Variants in HHLA1 observed in about 807,000 individuals in gnomAD.
The protein encoded by HHLA1 is HERV-H LTR-associating protein 1.
In HHLA1, 72 loss-of-function variants were observed where a neutral mutation model predicts 69.9. That is an observed-to-expected ratio of 1.03 (90% CI 0.85 to 1.25). HHLA1 has a LOEUF of 1.25. Among genes scored for constraint, HHLA1 ranks in the 50% most tolerant of loss-of-function variants. HHLA1 has a pLI of 0.00. For synonymous variants in HHLA1, 252 were observed against 233.2 expected (o/e 1.08, Z -0.73); for missense variants, 685 against 642.2 (o/e 1.07, Z -0.72).
chr8:132,071,748 A>T (rs1342158512), intron 14 of HHLA1, among the ~76,000 whole-genome samples: 1 of 152,214 alleles, frequency 6.6e-6, no homozygotes, highest in East Asian at 1.9e-4. Context: ...AATATTAAAC[A>T]GAGATCTAAG....
At chr8:132,110,627 A>G (rs566344548) in intron 1 of HHLA1, among the ~76,000 whole-genome samples, 1 of 152,316 alleles carries the variant, frequency 6.6e-6, no homozygotes, top group Admixed American at 6.5e-5. Flanking sequence ...GGCCCAAGGG[A>G]ATGCATCTGG....
At chr8:132,067,336 C>G (rs1823458908) in intron 15 of HHLA1, among the ~76,000 whole-genome samples, 1 of 152,128 alleles carries the variant, frequency 6.6e-6, no homozygotes, top group African/African-American at 2.4e-5. Flanking sequence ...GCAGTGTGTT[C>G]TGGGAAAGGT....
At chr8:132,084,162 G>T (rs552925496) in intron 10 of HHLA1, among the ~76,000 whole-genome samples, 3 of 152,158 alleles carry the variant, frequency 2.0e-5, no homozygotes, top group Non-Finnish European at 4.4e-5. Context: ...CTGGGCAGGT[G>T]GGGGAGGGCT....
At chr8:132,101,352 T>A in intron 3 of HHLA1, 1 of 1,500,458 alleles carries the variant, frequency 6.7e-7, no homozygotes. Context: ...TTAGAAATCA[T>A]CTTGTCCAAC....
At chr8:132,080,221 A>T in intron 10 of HHLA1, 1 of 575,002 alleles carries the variant, frequency 1.7e-6, no homozygotes. Context: ...CATATGCCTT[A>T]TGGATACAAC....
chr8:132,071,282 C>A, intron 15 of HHLA1, 58 bp downstream of exon 15: 1 of 1,478,144 alleles, frequency 6.8e-7, no homozygotes, highest in Non-Finnish European at 9.1e-7. Flanking sequence ...AGAAAAGCCA[C>A]ACGGAATAAG....
At position 132,077,860 on chromosome 8, in the gene HHLA1, G is replaced by C. The variant is rs776699143; in HGVS notation, c.1037C>G (p.Ser346Cys). Reference protein sequence around the residue: ...QTISEKKPGGSLWETRSSPPT... With the variant: ...QTISEKKPGGCLWETRSSPPT... ...TGGGGAAGAACGAGTTTCCCAGAGAGACCCTCCAGGTTTTTTCTCACTGAT... is the reference window on the plus strand; with the variant it reads ...TGGGGAAGAACGAGTTTCCCAGAGACACCCTCCAGGTTTTTTCTCACTGAT... The change falls in exon 12 of 17, where the codon TCT becomes TGT. Residue 346 changes from serine (S) to cysteine (C), a missense_variant. Transcript: ENST00000414222. 16 of 1,551,390 alleles carry C rather than the reference G, an allele frequency of 1.0e-5. No individual in the cohort carries two copies. The East Asian group carries it at 3.4e-4, about 33-fold the overall frequency.
chr8:132,076,889 G>T (rs1167075008), intron 12 of HHLA1, among the ~76,000 whole-genome samples: 2 of 152,040 alleles, frequency 1.3e-5, no homozygotes, highest in Non-Finnish European at 2.9e-5. Context: ...AAAATGAGTT[G>T]CTTCTCATTC....
intron 10 of HHLA1, among the ~76,000 whole-genome samples, chr8:132,081,876 C>A (rs759560101): frequency 1.3e-5 from 2 of 152,164 alleles, no homozygotes; most frequent in South Asian, 4.1e-4. Flanking sequence ...TAGATTTCCA[C>A]GATGGAAAGG....
intron 14 of HHLA1, among the ~76,000 whole-genome samples, chr8:132,073,793 C>A (rs1484255873): frequency 6.6e-6 from 1 of 152,092 alleles, no homozygotes; most frequent in East Asian, 1.9e-4. Flanking sequence ...ATTTTTGGTT[C>A]CCTCCTGTGC....
At position 132,079,868 on chromosome 8, in the gene HHLA1, G is replaced by A; in HGVS notation, c.775C>T (p.Pro259Ser). 6.4e-7 allele frequency: 1 copy of A among 1,552,040 alleles called. No individual in the cohort carries two copies. Among genetic ancestry groups the A allele is most frequent in the Non-Finnish European group, 8.7e-7 (1 of 1,147,054 alleles). ...GAGGATCTCAGAGCAGATGCCCAGG[G>A]TGTGCTCTGGGTCCAGTGTCCGGGG... The part of the protein sequence containing the change: ...TSPGHWTQST[P>S]WASALRSSPW... The change falls in exon 11 of 17, where the codon CCC becomes TCC. Residue 259 changes from proline (P) to serine (S), a missense_variant. Physicochemically the swap from Pro to Ser is moderately conservative, Grantham distance 74. Coordinates refer to ENST00000414222, the MANE Select transcript of HHLA1 (RefSeq NM_001145095.3).
At position 132,065,928 on chromosome 8, in the gene HHLA1, T is replaced by C. The variant is rs1384745808; in HGVS notation, c.1510A>G (p.Thr504Ala). The C allele has an allele frequency of 3.8e-6, 5 of 1,303,154 alleles. No homozygotes were observed. In the Admixed American group the frequency reaches 1.1e-4, roughly 30 times the overall value. The allele number at this position is 1,303,154 out of a possible 1,614,324, so 80.7% of individuals were successfully genotyped here. ...EYYSWFLKNATYICQRVKRVS... is the reference protein window; with the variant it reads ...EYYSWFLKNAAYICQRVKRVS... Reference sequence around the variant, plus strand: ...CTTTTCACCCTCTGACAGATATATGTTGCATTCTTCAGAAACCAGGAATAG... The same window carrying C: ...CTTTTCACCCTCTGACAGATATATGCTGCATTCTTCAGAAACCAGGAATAG... Residue 504 changes from threonine (T) to alanine (A), a missense_variant, in exon 16 of 17, where the codon ACA (threonine) becomes GCA (alanine). Physicochemically the swap from Thr to Ala is moderately conservative, Grantham distance 58. Transcript: ENST00000414222.
intron 7 of HHLA1, among the ~76,000 whole-genome samples, chr8:132,095,169 GA>G (rs1369388366): frequency 6.6e-6 from 1 of 152,076 alleles, no homozygotes; most frequent in East Asian, 1.9e-4. Flanking sequence ...AAATCTCTTG[GA>G]AGCTTTTCCA....
At position 132,080,032 on chromosome 8, in the gene HHLA1, G is replaced by T. The variant is rs754408656; in HGVS notation, c.677-66C>A. The T allele has an allele frequency of 1.4e-5, 22 of 1,525,812 alleles. No homozygotes were observed. The South Asian group carries it at 2.5e-4, about 18-fold the overall frequency. 94.5% of individuals were successfully genotyped at this position (1,525,812 alleles called of 1,614,324 possible). On this transcript the variant is annotated intron_variant, in intron 10 of 16. Coordinates refer to ENST00000414222, the MANE Select transcript of HHLA1 (RefSeq NM_001145095.3). Reference sequence around the variant, plus strand: ...ACTTTGGGCATAAAAAAACTGAAAGGTCACTGGACTGCAAATATATGAATG... The same window carrying T: ...ACTTTGGGCATAAAAAAACTGAAAGTTCACTGGACTGCAAATATATGAATG...
intron 10 of HHLA1, among the ~76,000 whole-genome samples, chr8:132,082,250 T>C (rs1823764838): frequency 6.6e-6 from 1 of 152,152 alleles, no homozygotes; most frequent in Non-Finnish European, 1.5e-5. Flanking sequence ...ATGAGAACTG[T>C]AGAGAGTGAG....
chr8:132,098,326 G>T (rs757380535), intron 5 of HHLA1, among the ~76,000 whole-genome samples: 15 of 152,160 alleles, frequency 9.9e-5, no homozygotes, highest in African/African-American at 3.6e-4. Context: ...CTTAATCAAT[G>T]AGTAATTATT....
At chr8:132,076,366 CTGCTTAGAT>C in intron 13 of HHLA1, 100 bp downstream of exon 13, 1 of 798,800 alleles carries the variant, frequency 1.3e-6, no homozygotes, top group Non-Finnish European at 2.0e-6. Context: ...GCAGAGTAAC[CTGCTTAGAT>C]TGCTTACTGG....
At position 132,076,103 on chromosome 8, in the gene HHLA1, T is replaced by G; in HGVS notation, c.1267A>C (p.Thr423Pro). The G allele has an allele frequency of 6.4e-7, 1 of 1,551,376 alleles. No homozygotes were observed. Among genetic ancestry groups the G allele is most frequent in the East Asian group, 2.4e-5 (1 of 40,924 alleles). Residue 423 changes from threonine (T) to proline (P), a missense_variant, in exon 14 of 17, where the codon ACT (threonine) becomes CCT (proline). Transcript: ENST00000414222. ...ACCAGGACTGGCTCTTCACCAGCAG[T>G]GAATGGCCACTCTGCAGAGAGATCA... ...TGDLSAEWPF[T>P]AGEEPVLVPR...
At chr8:132,075,631 T>C (rs1823622576) in intron 14 of HHLA1, among the ~76,000 whole-genome samples, 1 of 152,178 alleles carries the variant, frequency 6.6e-6, no homozygotes, top group Non-Finnish European at 1.5e-5. Context: ...TTTTATTCCT[T>C]CCTCCTTCAC....
Sources: allele counts gnomAD v4.1 joint callset (sites outside exome capture counted in the v4.1 genomes callset), GRCh38; gene constraint gnomAD v4.1.1; transcripts MANE v1.5; gene names NCBI Gene and HGNC (gene_info 2026-07-23, HGNC 2026-07-21).